TMEM150C: variants seen among roughly 807,000 people sequenced by gnomAD.
The protein encoded by TMEM150C is tentonin 3.
TMEM150C carries 10 observed loss-of-function variants against 29.9 expected under a neutral mutation model. The ratio of observed to expected loss-of-function variants is 0.33; its 90% CI spans 0.21 to 0.57. The LOEUF is 0.57. Ranked by LOEUF, TMEM150C falls within the 20% of genes least tolerant of loss-of-function variation. The probability of loss-of-function intolerance (pLI) is 0.88; values close to 1 mark genes in which losing one functional copy is unlikely to be tolerated. For synonymous variants in TMEM150C, 101 were observed against 112.5 expected (o/e 0.90, Z 0.64); for missense variants, 251 against 303.6 (o/e 0.83, Z 1.29).
At chr4:82,558,118 A>C (rs571123181) in intron 1 of TMEM150C, among the ~76,000 whole-genome samples, 14 of 151,830 alleles carry the variant, frequency 9.2e-5, no homozygotes, top group Admixed American at 8.5e-4. Context: ...TTTTTTTTCT[A>C]ATTAAAGGAT....
At chr4:82,531,106 C>A (rs1724831714) in intron 1 of TMEM150C, among the ~76,000 whole-genome samples, 1 of 151,838 alleles carries the variant, frequency 6.6e-6, no homozygotes, top group Admixed American at 6.6e-5. Flanking sequence ...GGAGCCAAGG[C>A]AAGGCAGATA....
chr4:82,546,178 C>T (rs376746524), intron 1 of TMEM150C, among the ~76,000 whole-genome samples: 25 of 152,218 alleles, frequency 1.6e-4, no homozygotes, highest in East Asian at 5.8e-4. Context: ...TCTACAAATT[C>T]AACACTATTC....
At chr4:82,497,560 G>A (rs1372984352) in intron 5 of TMEM150C, among the ~76,000 whole-genome samples, 1 of 152,052 alleles carries the variant, frequency 6.6e-6, no homozygotes, top group East Asian at 1.9e-4. Flanking sequence ...TATAAAACTT[G>A]ATTAATATTT....
chr4:82,519,843 T>C (rs1182388610), intron 1 of TMEM150C, among the ~76,000 whole-genome samples: 1 of 152,224 alleles, frequency 6.6e-6, no homozygotes, highest in Admixed American at 6.5e-5. Context: ...AATAATATGC[T>C]GTAATAAAAG....
chr4:82,519,826 C>A (rs1411587674), intron 1 of TMEM150C, among the ~76,000 whole-genome samples: 1 of 152,130 alleles, frequency 6.6e-6, no homozygotes, highest in Admixed American at 6.5e-5. Context: ...AAAAATAGAA[C>A]AACTATAATA....
In TMEM150C at chr4:82,502,731, G is replaced by A; in HGVS notation, c.231C>T (p.Phe77=). Residue 77 remains phenylalanine, a synonymous_variant, in exon 5 of 8, where the codon TTC becomes TTT. Coordinates refer to ENST00000449862, the MANE Select transcript of TMEM150C (RefSeq NM_001080506.3). ...VFSQVMNMAA[F]LALVVAVLRF... ...CGTTCTTTACCCTCTTCTTACCTAG[G>A]AAGGCTGCCATGTTCATAACTTGAC... is the stretch of plus-strand genomic sequence containing the variant. 6.2e-7 allele frequency: 1 copy of A among 1,609,218 alleles called. No homozygotes were observed. The highest frequency in any genetic ancestry group is 8.5e-7 in the Non-Finnish European group (1 of 1,177,630).
intron 1 of TMEM150C, among the ~76,000 whole-genome samples, chr4:82,545,402 T>TAAG (rs1250521458): frequency 6.6e-6 from 1 of 152,024 alleles, no homozygotes; most frequent in African/African-American, 2.4e-5. Flanking sequence ...CTCAAAATAA[T>TAAG]AAGAGCCATC....
At chr4:82,537,602 C>G (rs1346068021) in intron 1 of TMEM150C, among the ~76,000 whole-genome samples, 3 of 152,220 alleles carry the variant, frequency 2.0e-5, no homozygotes, top group Non-Finnish European at 4.4e-5. Flanking sequence ...TCCCCATTAC[C>G]TGTGAGTGTC....
chr4:82,503,285 T>C (rs4693033), intron 2 of TMEM150C, among the ~76,000 whole-genome samples, 173 bp from the exon 3 acceptor site: 11,256 of 152,280 alleles, frequency 0.074, 810 homozygotes, highest in Admixed American at 0.22. Flanking sequence ...CAAATGTCAT[T>C]ATTAGTAATA....
At chr4:82,492,993 CTTCCTT>C (rs937591042) in intron 6 of TMEM150C, among the ~76,000 whole-genome samples, 4 of 148,798 alleles carry the variant, frequency 2.7e-5, no homozygotes, top group African/African-American at 9.8e-5. Context: ...AAAAAATTTT[CTTCCTT>C]TTCCTTTTCT....
rs1376046536 is a variant in TMEM150C, at chr4:82,503,097, C to T, written c.96G>A (p.Val32=). The change falls in exon 3 of 8, where the codon GTG becomes GTA. Residue 32 remains valine, a synonymous_variant. Coordinates refer to ENST00000449862, the MANE Select transcript of TMEM150C (RefSeq NM_001080506.3). ...AGLWIVYFIA[V]EDDKILPLNS... ...TTAATGGTAAAATTTTGTCATCTTCCACAGCTATGAAGTATCTATCAAAAA... is the reference window on the plus strand; with the variant it reads ...TTAATGGTAAAATTTTGTCATCTTCTACAGCTATGAAGTATCTATCAAAAA... The T allele has an allele frequency of 2.5e-6, 4 of 1,608,848 alleles. No individual in the cohort carries two copies. Among genetic ancestry groups the T allele is most frequent in the Admixed American group, 1.7e-5 (1 of 59,800 alleles).
At chr4:82,517,101 G>A (rs531182416) in intron 1 of TMEM150C, among the ~76,000 whole-genome samples, 3 of 152,322 alleles carry the variant, frequency 2.0e-5, no homozygotes, top group South Asian at 4.1e-4. Context: ...CACACCTCGT[G>A]AAAGGTGACC....
intron 1 of TMEM150C, among the ~76,000 whole-genome samples, chr4:82,549,720 CTT>C (rs1028138492): frequency 1.6e-4 from 25 of 152,310 alleles, no homozygotes; most frequent in African/African-American, 5.8e-4. Context: ...GTAATCATCT[CTT>C]TATTGGAGAT....
At chr4:82,553,255 T>G (rs1424772633) in intron 1 of TMEM150C, among the ~76,000 whole-genome samples, 1 of 152,146 alleles carries the variant, frequency 6.6e-6, no homozygotes, top group Non-Finnish European at 1.5e-5. Context: ...ACAAAAACAT[T>G]TACTTAATAT....
Position 82,525,210 on chromosome 4 carries a change from T to C in TMEM150C, c.-10-20543A>G, listed in dbSNP as rs113597259. On this transcript the variant is annotated intron_variant, in intron 1 of 7. Transcript: ENST00000449862. ...GAAACTTTAAAATGTACTCTGCTAG[T>C]GAATTTGCGTGTTTGGAATAAAGTC... Among the ~76,000 whole-genome samples the C allele has an allele frequency of 3.5e-4, 54 of 152,308 alleles. 1 individual carries two copies. The highest frequency in any genetic ancestry group is 1.2e-3 in the African/African-American group (51 of 41,552).
At chr4:82,539,594 A>C (rs1260400366) in intron 1 of TMEM150C, among the ~76,000 whole-genome samples, 1 of 152,054 alleles carries the variant, frequency 6.6e-6, no homozygotes, top group African/African-American at 2.4e-5. Context: ...CTGGGACTAC[A>C]GGCGCCCGCC....
At chr4:82,490,954 T>C (rs1723322352) in intron 6 of TMEM150C, 1 of 728,684 alleles carries the variant, frequency 1.4e-6, no homozygotes, top group Non-Finnish European at 2.5e-6. Flanking sequence ...TTGTAATTGG[T>C]CCTGATAGCT....
chr4:82,537,071 T>C (rs1277703149), intron 1 of TMEM150C, among the ~76,000 whole-genome samples: 1 of 152,110 alleles, frequency 6.6e-6, no homozygotes, highest in Non-Finnish European at 1.5e-5. Flanking sequence ...AAGCTCCACC[T>C]CCCAGGTTCA....
intron 1 of TMEM150C, among the ~76,000 whole-genome samples, chr4:82,514,468 G>A (rs1294305782): frequency 2.0e-5 from 3 of 152,166 alleles, no homozygotes; most frequent in Non-Finnish European, 4.4e-5. Context: ...GTTACCCAGC[G>A]ACCATGGATT....
Sources: gnomAD v4.1 joint callset for allele counts (sites outside exome capture counted in the v4.1 genomes callset) on GRCh38, gnomAD v4.1.1 for gene constraint, MANE v1.5 for transcripts, NCBI Gene and HGNC (gene_info 2026-07-23, HGNC 2026-07-21) for gene names.